B4GALNT3: variants seen among roughly 807,000 people sequenced by gnomAD.
B4GALNT3 encodes the protein beta-1,4-N-acetyl-galactosaminyltransferase 3.
B4GALNT3 carries 86 observed loss-of-function variants against 120.2 expected under a neutral mutation model. The ratio of observed to expected loss-of-function variants is 0.72; its 90% CI spans 0.60 to 0.86. The LOEUF is 0.86. Ranked by LOEUF, B4GALNT3 falls within the 40% of genes least tolerant of loss-of-function variation. B4GALNT3 has a pLI of 0.00. For missense variants in B4GALNT3, 1,167 were observed against 1,298.9 expected (o/e 0.90, Z 1.56); for synonymous variants, 518 against 510.4 (o/e 1.01, Z -0.20).
chr12:548,978 G>A lies in B4GALNT3; in HGVS notation c.853+681G>A, dbSNP rs1947042784. ...CTATTTTCCAGATGAGGTAACCACGGTTCTTGCAAAGCCATGGCCAGGGCA... is the reference window on the plus strand; with the variant it reads ...CTATTTTCCAGATGAGGTAACCACGATTCTTGCAAAGCCATGGCCAGGGCA... On this transcript the variant is annotated intron_variant, in intron 9 of 19. Transcript: ENST00000266383. The surrounding 1 kb of genome is among the most constrained non-coding windows in gnomAD (Gnocchi z 4.9). Among the ~76,000 whole-genome samples, 1 of 152,198 alleles carries A rather than the reference G, an allele frequency of 6.6e-6. No individual in the cohort carries two copies. Among genetic ancestry groups the A allele is most frequent in the Admixed American group, 6.5e-5 (1 of 15,278 alleles).
In B4GALNT3 at chr12:547,130, C is replaced by T. The variant is rs531849262; in HGVS notation, c.707+417C>T. Among the ~76,000 whole-genome samples the T allele has an allele frequency of 3.0e-3, 451 of 151,740 alleles. 4 individuals are homozygous for T. The highest frequency in any genetic ancestry group is 6.8e-3 in the Middle Eastern group (2 of 294). On this transcript the variant is annotated intron_variant, in intron 7 of 19. Transcript: ENST00000266383. ...CCTCAGAGCGCCCCCTGGTGGCCCA[C>T]GCGCGCTCACGCAGGCGGGAAGAGC...
intron 3 of B4GALNT3, among the ~76,000 whole-genome samples, chr12:537,287 G>C (rs1331054769): frequency 6.6e-6 from 1 of 152,122 alleles, no homozygotes; most frequent in Non-Finnish European, 1.5e-5. Flanking sequence ...GTCATCTTTT[G>C]GTTTTTTATT....
intron 1 of B4GALNT3, among the ~76,000 whole-genome samples, chr12:488,158 A>G (rs1223108796): frequency 6.6e-6 from 1 of 152,130 alleles, no homozygotes; most frequent in Non-Finnish European, 1.5e-5. Context: ...AGAAAAAAAA[A>G]AAAAACCCCA....
At chr12:491,681 A>G (rs1946340905) in intron 1 of B4GALNT3, among the ~76,000 whole-genome samples, 1 of 152,116 alleles carries the variant, frequency 6.6e-6, no homozygotes, top group Non-Finnish European at 1.5e-5. Context: ...AACTTCCTCA[A>G]CTTGATAAGC....
At chr12:552,292 TACAC>T (rs10604398) in intron 12 of B4GALNT3, 129 bp downstream of exon 12, 108,475 of 612,426 alleles carry the variant, frequency 0.18, 2,057 homozygotes, top group African/African-American at 0.27. Flanking sequence ...TCCTGAGTAC[TACAC>T]ACACACACAC....
intron 1 of B4GALNT3, among the ~76,000 whole-genome samples, chr12:512,699 C>T (rs1178783900): frequency 4.2e-5 from 6 of 142,050 alleles, no homozygotes; most frequent in Non-Finnish European, 9.4e-5. Flanking sequence ...TTCCTTCCAC[C>T]TTCCGCCTTC....
intron 1 of B4GALNT3, among the ~76,000 whole-genome samples, chr12:507,452 G>T (rs1440960434): frequency 6.6e-6 from 1 of 152,162 alleles, no homozygotes; most frequent in Non-Finnish European, 1.5e-5. Flanking sequence ...TTAGACAGAC[G>T]CTTCCACTGT....
rs143095519 is a variant in B4GALNT3 at position 548,352 on chromosome 12, C to G, written c.853+55C>G. 5.5e-3 allele frequency: 8,543 copies of G among 1,558,358 alleles called. 51 individuals are homozygous for G. Among genetic ancestry groups the G allele is most frequent in the Middle Eastern group, 9.4e-3 (56 of 5,962 alleles). ...TGGAGGCCAGGTGGGGACAGCCTAC[C>G]CTGGGGGATTTGGCAGGGGAGGAGG... On this transcript the variant is annotated intron_variant, in intron 9 of 19. Coordinates refer to ENST00000266383, the MANE Select transcript of B4GALNT3 (RefSeq NM_173593.4). This position sits in a 1 kb window ranked among gnomAD's most constrained non-coding sequence, Gnocchi z 4.9.
intron 1 of B4GALNT3, among the ~76,000 whole-genome samples, chr12:474,983 G>A (rs911355709): frequency 6.8e-6 from 1 of 147,496 alleles, no homozygotes; most frequent in Admixed American, 6.8e-5. Context: ...GTGTGGTGGT[G>A]CATGCCTGTG....
At chr12:518,854 T>A (rs1288296460) in intron 1 of B4GALNT3, among the ~76,000 whole-genome samples, 3 of 152,240 alleles carry the variant, frequency 2.0e-5, no homozygotes, top group Non-Finnish European at 4.4e-5. Context: ...TTTTTCTGAA[T>A]ATTTTCAATC....
At chr12:474,681 C>G (rs1052837645) in intron 1 of B4GALNT3, among the ~76,000 whole-genome samples, 1 of 151,904 alleles carries the variant, frequency 6.6e-6, no homozygotes. Context: ...TAGCCCAGGC[C>G]AAGCATGGTG....
At chr12:500,432 G>C (rs568972011) in intron 1 of B4GALNT3, among the ~76,000 whole-genome samples, 2 of 152,164 alleles carry the variant, frequency 1.3e-5, no homozygotes, top group Non-Finnish European at 2.9e-5. Context: ...TGTGGTTGTG[G>C]CTTGGTTTCT....
At chr12:490,745 A>G (rs886945115) in intron 1 of B4GALNT3, among the ~76,000 whole-genome samples, 1 of 151,550 alleles carries the variant, frequency 6.6e-6, no homozygotes, top group Non-Finnish European at 1.5e-5. Flanking sequence ...AAAAAAAATT[A>G]CGGACAACTC....
chr12:556,524 C>T (rs1002993544), intron 14 of B4GALNT3, 23 bp from the exon 15 acceptor site: 2 of 1,596,854 alleles, frequency 1.3e-6, no homozygotes, highest in Admixed American at 1.7e-5. Flanking sequence ...AACCACTCAG[C>T]CTCCCCACAC....
intron 6 of B4GALNT3, among the ~76,000 whole-genome samples, chr12:546,305 AG>A (rs1390746343): frequency 6.7e-6 from 1 of 148,718 alleles, no homozygotes; most frequent in Non-Finnish European, 1.5e-5. Context: ...GACAGGGAGG[AG>A]TGGGGAGCGA....
At chr12:501,049 CT>C (rs112501893) in intron 1 of B4GALNT3, among the ~76,000 whole-genome samples, 32,743 of 151,068 alleles carry the variant, frequency 0.22, 4,702 homozygotes, top group African/African-American at 0.36. Context: ...AATTTTTGTA[CT>C]TTTTGGTAGA....
intron 1 of B4GALNT3, among the ~76,000 whole-genome samples, chr12:518,925 A>T (rs1946682320): frequency 6.6e-6 from 1 of 152,194 alleles, no homozygotes; most frequent in African/African-American, 2.4e-5. Flanking sequence ...AGGACTGACG[A>T]TATACATAAT....
At chr12:520,499 C>G (rs1946697125) in intron 1 of B4GALNT3, among the ~76,000 whole-genome samples, 2 of 79,256 alleles carry the variant, frequency 2.5e-5, no homozygotes, top group African/African-American at 1.0e-4. Flanking sequence ...CCTCACTTTT[C>G]TATTATCATA....
Position 459,948 on chromosome 12 carries a change from G to T in B4GALNT3, c.-429G>T, listed in dbSNP as rs1211309433. ...GGGCCGGGGGCGGGCCAGGTTCCGC[G>T]AGCAGGAGAGCCCAGAGCCCGGAGC... On this transcript the variant is annotated 5_prime_UTR_variant, in exon 1 of 20. Transcript: ENST00000266383. Among the ~76,000 whole-genome samples the T allele has an allele frequency of 5.9e-5, 9 of 151,370 alleles. No individual in the cohort carries two copies. The highest frequency in any genetic ancestry group is 1.2e-4 in the Non-Finnish European group (8 of 67,726).
Sources: gnomAD v4.1 joint callset for allele counts (sites outside exome capture counted in the v4.1 genomes callset) on GRCh38, gnomAD v4.1.1 for gene constraint, Gnocchi (gnomAD v3.1) non-coding constraint, MANE v1.5 for transcripts, NCBI Gene and HGNC (gene_info 2026-07-23, HGNC 2026-07-21) for gene names.